CCM2: variants seen among roughly 807,000 people sequenced by gnomAD.
The protein encoded by CCM2 is cerebral cavernous malformations 2 protein.
Under a neutral mutation model 44.9 loss-of-function variants are expected in CCM2, and 25 were observed. The observed-to-expected ratio is 0.56, with a 90% CI of 0.41 to 0.78. CCM2 has a LOEUF of 0.78. CCM2 is among the 30% of genes least tolerant of loss of function. CCM2 has a pLI of 0.00. For synonymous variants in CCM2, 219 were observed against 241.1 expected (o/e 0.91, Z 0.85); for missense variants, 481 against 580.6 (o/e 0.83, Z 1.76).
intron 4 of CCM2, among the ~76,000 whole-genome samples, chr7:45,066,183 G>T (rs1798764710): frequency 6.6e-6 from 1 of 152,170 alleles, no homozygotes; most frequent in Non-Finnish European, 1.5e-5. Context: ...GAGAACTTTT[G>T]ATTTAAAGGA....
chr7:45,019,324 T>C lies in CCM2; in HGVS notation c.31-18929T>C, dbSNP rs567544534. On this transcript the variant is annotated intron_variant, in intron 1 of 9. Transcript: ENST00000258781. ...TCCTGGCCTCAAGCCATCCTCCTGC[T>C]TCCGCCTCCTGGGATTACAGGAATG... Among the ~76,000 whole-genome samples the C allele has an allele frequency of 3.3e-5, 5 of 152,126 alleles. No individual in the cohort carries two copies. The South Asian group carries it at 1.0e-3, about 32-fold the overall frequency.
chr7:45,016,857 T>C (rs186096517), intron 1 of CCM2, among the ~76,000 whole-genome samples: 101 of 152,326 alleles, frequency 6.6e-4, no homozygotes, highest in African/African-American at 2.2e-3. Context: ...GATCTCTAAC[T>C]CCTGGCCTCA....
chr7:45,007,039 G>A (rs1176844421), intron 1 of CCM2, among the ~76,000 whole-genome samples: 1 of 152,162 alleles, frequency 6.6e-6, no homozygotes, highest in African/African-American at 2.4e-5. Flanking sequence ...TATGTTGCTG[G>A]TCATTCTGGC....
Position 45,074,361 on chromosome 7 carries a change from T to G in CCM2, c.1007T>G (p.Ile336Ser). The change falls in exon 9 of 10, where the codon ATC becomes AGC. Residue 336 changes from isoleucine (I) to serine (S), a missense_variant. Ile to Ser is a moderately radical substitution (Grantham distance 142). Transcript: ENST00000258781. Reference sequence around the variant, plus strand: ...GGGGCCTCTATCCACGAGTTCTGCATCAACCTGCGGCAGCTCTACGGGGAC... The same window carrying G: ...GGGGCCTCTATCCACGAGTTCTGCAGCAACCTGCGGCAGCTCTACGGGGAC... The part of the protein sequence containing the change: ...RNGASIHEFC[I>S]NLRQLYGDSR... 6.2e-7 allele frequency: 1 copy of G among 1,613,772 alleles called. No individual in the cohort carries two copies. The highest frequency in any genetic ancestry group is 1.1e-5 in the South Asian group (1 of 91,074).
intron 7 of CCM2, 139 bp from the exon 8 acceptor site, chr7:45,073,321 C>CTCATCA (rs1049745277): frequency 1.6e-5 from 11 of 672,600 alleles, no homozygotes; most frequent in African/African-American, 3.5e-5. Flanking sequence ...CAGCTCTCCT[C>CTCATCA]TCATCATCAT....
intron 2 of CCM2, among the ~76,000 whole-genome samples, chr7:45,052,307 G>T (rs1334920448): frequency 6.6e-6 from 1 of 152,238 alleles, no homozygotes; most frequent in African/African-American, 2.4e-5. Flanking sequence ...TATCAGGGCT[G>T]CAGAATTGGT....
chr7:45,001,028 ATG>A (rs1795598715), intron 1 of CCM2, among the ~76,000 whole-genome samples: 1 of 152,282 alleles, frequency 6.6e-6, no homozygotes, highest in African/African-American at 2.4e-5. Context: ...TTTTAATAAA[ATG>A]TATCTTTTTC....
intron 7 of CCM2, chr7:45,073,195 A>G (rs1232687787): frequency 5.2e-6 from 3 of 580,498 alleles, no homozygotes; most frequent in East Asian, 5.8e-5. Flanking sequence ...CCTGCCCAAC[A>G]ATGCTGCCCA....
intron 3 of CCM2, 83 bp from the exon 4 acceptor site, chr7:45,064,380 G>A: frequency 7.3e-7 from 1 of 1,371,278 alleles, no homozygotes; most frequent in Non-Finnish European, 1.0e-6. Context: ...TGTGACATCG[G>A]CCAGCACAAT....
intron 1 of CCM2, among the ~76,000 whole-genome samples, chr7:45,029,178 G>A (rs1035971130): frequency 2.6e-5 from 4 of 152,094 alleles, no homozygotes; most frequent in Admixed American, 6.5e-5. Flanking sequence ...GGGCAGGGAC[G>A]GTGGCTTCTA....
intron 1 of CCM2, among the ~76,000 whole-genome samples, chr7:45,021,729 A>T (rs1303385314): frequency 6.6e-6 from 1 of 151,766 alleles, no homozygotes. Flanking sequence ...GCAGGGGAAG[A>T]TGAGACAGGG....
chr7:45,033,494 C>A (rs1349039538), intron 1 of CCM2, among the ~76,000 whole-genome samples: 3 of 152,154 alleles, frequency 2.0e-5, no homozygotes, highest in African/African-American at 4.8e-5. Context: ...TTCAGAAGAG[C>A]CAACAAATGG....
chr7:45,027,175 T>A, intron 1 of CCM2: 1 of 215,160 alleles, frequency 4.6e-6, no homozygotes, highest in Non-Finnish European at 9.5e-6. Flanking sequence ...GGGAATGGAG[T>A]TATCTCTGTA....
At chr7:45,072,812 G>A in intron 7 of CCM2, 29 bp downstream of exon 7, 1 of 1,588,230 alleles carries the variant, frequency 6.3e-7, no homozygotes, top group Non-Finnish European at 8.6e-7. Context: ...AAGCCCTGCG[G>A]TGGGACACGC....
chr7:45,004,818 G>A (rs1795781021), intron 1 of CCM2, among the ~76,000 whole-genome samples: 1 of 152,046 alleles, frequency 6.6e-6, no homozygotes, highest in Non-Finnish European at 1.5e-5. Context: ...CAGCCATGGT[G>A]AAACCCCATC....
chr7:44,999,808 GCGCGCTCCCGC>G (rs1415468084), upstream of CCM2: 27 of 9,816 alleles, frequency 2.8e-3, no homozygotes, highest in Non-Finnish European at 4.0e-3. Context: ...CTGCTCCCGC[GCGCGCTCCCGC>G]GCGCGCTGAG....
At chr7:45,012,668 C>T (rs1380610880) in intron 1 of CCM2, among the ~76,000 whole-genome samples, 2 of 151,988 alleles carry the variant, frequency 1.3e-5, no homozygotes, top group Non-Finnish European at 2.9e-5. Context: ...TGATCTTCTG[C>T]CTCAGCCTCC....
At chr7:45,035,986 T>G (rs1464052444) in intron 1 of CCM2, among the ~76,000 whole-genome samples, 1 of 152,232 alleles carries the variant, frequency 6.6e-6, no homozygotes, top group Non-Finnish European at 1.5e-5. Context: ...TGATTGCCTG[T>G]GGCACTTCTC....
In CCM2 at chr7:45,034,209, CT is replaced by C. The variant is rs869231171; in HGVS notation, c.31-4030del. Reference sequence around the variant, plus strand: ...GTCCCAGCAAGCTCTTATGGAAGCACTTTTTTTTTTTTTTGTTTTGAGACGG... The same window carrying C: ...GTCCCAGCAAGCTCTTATGGAAGCACTTTTTTTTTTTTTGTTTTGAGACGG... On this transcript the variant is annotated intron_variant, in intron 1 of 9. Transcript: ENST00000258781. Among the ~76,000 whole-genome samples, 308 of 145,038 alleles carry C rather than the reference CT, an allele frequency of 2.1e-3. 2 individuals carry two copies. Among genetic ancestry groups the C allele is most frequent in the Middle Eastern group, 7.1e-3 (2 of 280 alleles).
Sources: gnomAD v4.1 joint callset for allele counts (sites outside exome capture counted in the v4.1 genomes callset) on GRCh38, gnomAD v4.1.1 for gene constraint, MANE v1.5 for transcripts, NCBI Gene and HGNC (gene_info 2026-07-23, HGNC 2026-07-21) for gene names.